The following CTTN variants were observed in gnomAD, a reference collection of about 807,000 sequenced individuals.
The protein encoded by CTTN is src substrate cortactin.
In CTTN, 28 loss-of-function variants were observed where a neutral mutation model predicts 84.0. That is an observed-to-expected ratio of 0.33 (90% CI 0.25 to 0.46). CTTN has a LOEUF of 0.46. CTTN is among the 20% of genes least tolerant of loss of function. The pLI is 1.00. For missense variants in CTTN, 641 were observed against 723.8 expected (o/e 0.89, Z 1.31); for synonymous variants, 301 against 288.8 (o/e 1.04, Z -0.43).
At chr11:70,434,996 C>G in intron 17 of CTTN, 30 bp from the exon 18 acceptor site, 1 of 1,612,020 alleles carries the variant, frequency 6.2e-7, no homozygotes. Flanking sequence ...GCTTGCACTT[C>G]AGCATCTTTC....
chr11:70,422,128 T>C (rs1215560255), intron 11 of CTTN: 2 of 269,434 alleles, frequency 7.4e-6, no homozygotes, highest in African/African-American at 4.4e-5. Flanking sequence ...ACACCATATG[T>C]GTGTAACATC....
At chr11:70,401,669 A>G (rs1286337488) in intron 1 of CTTN, among the ~76,000 whole-genome samples, 4 of 151,550 alleles carry the variant, frequency 2.6e-5, no homozygotes, top group African/African-American at 9.7e-5. Flanking sequence ...AACAAAAAAA[A>G]AAAGAGAGAG....
At chr11:70,431,889 G>A (rs2058357670) in intron 15 of CTTN, among the ~76,000 whole-genome samples, 1 of 152,128 alleles carries the variant, frequency 6.6e-6, no homozygotes, top group Non-Finnish European at 1.5e-5. Flanking sequence ...CTCCCCGCCA[G>A]CACCTCTGCG....
chr11:70,414,139 A>G, intron 5 of CTTN, among the ~76,000 whole-genome samples: 1 of 151,972 alleles, frequency 6.6e-6, no homozygotes, highest in East Asian at 1.9e-4. Flanking sequence ...AGGTCAGGAG[A>G]TGGAGACCAT....
chr11:70,402,337 A>C (rs1384445092), intron 1 of CTTN, among the ~76,000 whole-genome samples: 2 of 152,238 alleles, frequency 1.3e-5, no homozygotes, highest in African/African-American at 4.8e-5. Flanking sequence ...TATAATTCAC[A>C]TACCATACAA....
intron 5 of CTTN, 107 bp downstream of exon 5, chr11:70,410,067 C>T: frequency 8.0e-7 from 1 of 1,251,250 alleles, no homozygotes; most frequent in Non-Finnish European, 1.1e-6. Flanking sequence ...GTTTTGAGTC[C>T]ATCTGCTGAG....
chr11:70,432,420 C>T (rs1489907975), intron 15 of CTTN, among the ~76,000 whole-genome samples: 4 of 152,212 alleles, frequency 2.6e-5, no homozygotes, highest in Non-Finnish European at 4.4e-5. Flanking sequence ...CCTGGGTGCG[C>T]GGTTCTGAGC....
chr11:70,409,130 A>C (rs1311554943), intron 4 of CTTN, among the ~76,000 whole-genome samples: 1 of 151,698 alleles, frequency 6.6e-6, no homozygotes, highest in Admixed American at 6.6e-5. Flanking sequence ...CCTGGTTTGT[A>C]TTTCATCTTC....
intron 1 of CTTN, among the ~76,000 whole-genome samples, chr11:70,400,878 G>T (rs1273934627): frequency 6.6e-6 from 1 of 152,222 alleles, no homozygotes; most frequent in Non-Finnish European, 1.5e-5. Flanking sequence ...CGGAGTAAAT[G>T]TTGGGGGCGG....
chr11:70,405,541 C>G (rs1377621408), intron 2 of CTTN, among the ~76,000 whole-genome samples, 180 bp downstream of exon 2: 3 of 152,120 alleles, frequency 2.0e-5, no homozygotes, highest in Non-Finnish European at 4.4e-5. Context: ...TTGCATATGA[C>G]TTAGAGGAGA....
In CTTN at chr11:70,421,589, GC is replaced by G. The variant is rs1484787670; in HGVS notation, c.901+11del. ...GCACGAGTCCCAGCAAGGCACAGTT[GC>G]CACCAGCCTCCTACCCTCCCCCCGA... On this transcript the variant is annotated intron_variant, in intron 11 of 17. Coordinates refer to ENST00000301843, the MANE Select transcript of CTTN (RefSeq NM_005231.4). 1 of 1,601,284 alleles carries G rather than the reference GC, an allele frequency of 6.2e-7. No individual in the cohort carries two copies. The highest frequency in any genetic ancestry group is 8.6e-7 in the Non-Finnish European group (1 of 1,168,454).
intron 5 of CTTN, among the ~76,000 whole-genome samples, chr11:70,413,025 G>A (rs2058112371): frequency 1.3e-5 from 2 of 152,200 alleles, no homozygotes; most frequent in Admixed American, 1.3e-4. Flanking sequence ...GGACACGGAT[G>A]GGCAGTCTCT....
intron 8 of CTTN, among the ~76,000 whole-genome samples, chr11:70,418,258 T>TGGCC (rs1279940546): frequency 4.1e-4 from 63 of 152,358 alleles, no homozygotes; most frequent in African/African-American, 1.5e-3. Flanking sequence ...TGGCCTGGCC[T>TGGCC]TGCCTTCCTG....
Position 70,436,276 on chromosome 11 carries a change from T to C in CTTN, c.*1114T>C. 5.0e-6 allele frequency: 8 copies of C among 1,597,746 alleles called. No homozygotes were observed. Among genetic ancestry groups the C allele is most frequent in the African/African-American group, 1.3e-5 (1 of 74,998 alleles). ...GTCCTGGCATTTGTGGCCACTCACT[T>C]TGTAGGAAACTCATCTCCTTCCTGA... On this transcript the variant is annotated 3_prime_UTR_variant, in exon 18 of 18. Coordinates refer to ENST00000301843, the MANE Select transcript of CTTN (RefSeq NM_005231.4).
At chr11:70,407,043 C>A (rs940606200) in intron 2 of CTTN, among the ~76,000 whole-genome samples, 1 of 152,150 alleles carries the variant, frequency 6.6e-6, no homozygotes, top group Non-Finnish European at 1.5e-5. Context: ...AATTTTCTCA[C>A]TCAAGGTGAA....
At chr11:70,425,811 T>C (rs1233990950) in intron 13 of CTTN, among the ~76,000 whole-genome samples, 2 of 152,218 alleles carry the variant, frequency 1.3e-5, no homozygotes, top group South Asian at 4.1e-4. Flanking sequence ...AGACATTCTC[T>C]CTGCTGCTCG....
chr11:70,431,442 G>C (rs1370445426), intron 15 of CTTN, among the ~76,000 whole-genome samples, 162 bp downstream of exon 15: 3 of 152,188 alleles, frequency 2.0e-5, no homozygotes, highest in Admixed American at 2.0e-4. Context: ...GAGCGCCTGG[G>C]GGGTGGGTGA....
intron 11 of CTTN, chr11:70,422,511 A>G (rs1371364417): frequency 7.7e-7 from 1 of 1,290,848 alleles, no homozygotes; most frequent in Admixed American, 2.3e-5. Context: ...TTAAAAAGCA[A>G]GAGAACAAAC....
chr11:70,417,020 C>A lies in CTTN; in HGVS notation c.465C>A (p.Ser155=), dbSNP rs757488650. The part of the protein sequence containing the change: ...TEKHASQKDY[S]SGFGGKYGVQ... ...GCTGCCCTGTCTCTCCAGACTACTC[C>A]AGTGGTTTTGGCGGCAAGTATGGCG... The change falls in exon 8 of 18, where the codon TCC becomes TCA. Residue 155 remains serine (S), a synonymous_variant. Transcript: ENST00000301843. 6.2e-7 allele frequency: 1 copy of A among 1,613,992 alleles called. No individual in the cohort carries two copies. Among genetic ancestry groups the A allele is most frequent in the Non-Finnish European group, 8.5e-7 (1 of 1,179,856 alleles).
Sources: allele counts gnomAD v4.1 joint callset (sites outside exome capture counted in the v4.1 genomes callset), GRCh38; gene constraint gnomAD v4.1.1; transcripts MANE v1.5; gene names NCBI Gene and HGNC (gene_info 2026-07-23, HGNC 2026-07-21).